UBP1: variants seen among roughly 807,000 people sequenced by gnomAD.
The protein encoded by UBP1 is upstream binding protein 1.
A neutral mutation model predicts 76.1 loss-of-function variants in UBP1; 22 were observed. The ratio of observed to expected loss-of-function variants is 0.29; its 90% CI spans 0.21 to 0.41. UBP1 has a LOEUF of 0.41. Ranked by LOEUF, UBP1 falls within the 10% of genes least tolerant of loss-of-function variation. The probability of loss-of-function intolerance (pLI) is 1.00; values close to 1 mark genes in which losing one functional copy is unlikely to be tolerated. For synonymous variants in UBP1, 224 were observed against 237.1 expected, an observed-to-expected ratio of 0.94 and a Z score of 0.51; for missense variants, 436 against 668.1, an observed-to-expected ratio of 0.65 and a Z score of 3.83.
Position 33,440,133 on chromosome 3 carries a change from G to C in UBP1, c.-285C>G, listed in dbSNP as rs916572093. ...GGCGCCGCCGCCCAGCCCCCGCGCC[G>C]CTAGCGCTGCAGCCGCCGCCGACCG... On this transcript the variant is annotated 5_prime_UTR_variant, in exon 1 of 16. Transcript: ENST00000283629. 4.6e-5 allele frequency: 10 copies of C among 215,586 alleles called. No homozygotes were observed. Among genetic ancestry groups the C allele is most frequent in the Non-Finnish European group, 8.1e-5 (9 of 110,438 alleles). 13.4% of individuals were successfully genotyped at this position (215,586 alleles called of 1,614,324 possible).
At chr3:33,440,878 T>G (rs2045290626), upstream of UBP1, 1 of 152,278 alleles carries the variant, frequency 6.6e-6, no homozygotes, top group Non-Finnish European at 1.5e-5. Context: ...CGGTCGTCTC[T>G]GCTTTATGCC....
chr3:33,396,511 C>T, intron 12 of UBP1: 1 of 504,862 alleles, frequency 2.0e-6, no homozygotes, highest in South Asian at 2.7e-5. Context: ...GATGGTCTGT[C>T]AGATGCTGGT....
intron 2 of UBP1, among the ~76,000 whole-genome samples, chr3:33,419,396 G>A (rs942420294): frequency 1.3e-5 from 2 of 152,166 alleles, no homozygotes; most frequent in Non-Finnish European, 2.9e-5. Flanking sequence ...TTGGGAGGCT[G>A]AGGTGGGCGG....
chr3:33,403,704 G>A (rs936561213), intron 8 of UBP1: 5 of 152,076 alleles, frequency 3.3e-5, no homozygotes, highest in South Asian at 2.1e-4. Context: ...ACAAAGACAC[G>A]GAGATACACT....
intron 10 of UBP1, 36 bp from the exon 11 acceptor site, chr3:33,400,318 CCATT>C (rs760528313): frequency 6.7e-7 from 1 of 1,499,626 alleles, no homozygotes; most frequent in Admixed American, 2.1e-5. Context: ...ATAAAAGGAA[CCATT>C]CAGACTTAGA....
chr3:33,427,043 C>T (rs2045029431), intron 1 of UBP1, among the ~76,000 whole-genome samples: 1 of 152,224 alleles, frequency 6.6e-6, no homozygotes, highest in Non-Finnish European at 1.5e-5. Context: ...TCTTGGCTCA[C>T]CACAACCTCT....
At chr3:33,412,886 CA>C in intron 3 of UBP1, 59 bp from the exon 4 acceptor site, 1 of 1,084,208 alleles carries the variant, frequency 9.2e-7, no homozygotes, top group Non-Finnish European at 1.4e-6. Context: ...AATGCAGGAC[CA>C]TTTCTACTTC....
chr3:33,418,013 T>TAAAAAACACTAAAAAACACTAAAAAAAA, intron 2 of UBP1, among the ~76,000 whole-genome samples: 1 of 152,308 alleles, frequency 6.6e-6, no homozygotes, highest in Middle Eastern at 3.4e-3. Flanking sequence ...AAAACACCTG[T>TAAAAAACACTAAAAAACACTAAAAAAAA]ATGGGAAGAG....
Position 33,390,307 on chromosome 3 carries a change from A to G in UBP1, c.*24T>C. ...TTTAAGCGTGACTATTTGGTACTGA[A>G]TACAGTTCAGTCTATATAAGACATC... On this transcript the variant is annotated 3_prime_UTR_variant, in exon 16 of 16. Coordinates refer to ENST00000283629, the MANE Select transcript of UBP1 (RefSeq NM_014517.5). 6.2e-7 allele frequency: 1 copy of G among 1,611,774 alleles called. No homozygotes were observed. Among genetic ancestry groups the G allele is most frequent in the Middle Eastern group, 1.7e-4 (1 of 6,050 alleles).
intron 1 of UBP1, among the ~76,000 whole-genome samples, chr3:33,433,521 C>T (rs1042896936): frequency 6.6e-6 from 1 of 151,600 alleles, no homozygotes; most frequent in African/African-American, 2.4e-5. Flanking sequence ...GGCGTGGTGG[C>T]ATGCACCTGT....
chr3:33,408,243 A>G (rs1347805394), intron 8 of UBP1, among the ~76,000 whole-genome samples: 3 of 152,194 alleles, frequency 2.0e-5, no homozygotes, highest in Non-Finnish European at 4.4e-5. Context: ...TGCTGCCATC[A>G]TCTAACTGTC....
intron 9 of UBP1, among the ~76,000 whole-genome samples, 193 bp from the exon 10 acceptor site, chr3:33,401,209 C>T (rs550556547): frequency 6.6e-6 from 1 of 152,128 alleles, no homozygotes; most frequent in Non-Finnish European, 1.5e-5. Flanking sequence ...AATTAAGACA[C>T]AGAAGACTGT....
intron 1 of UBP1, among the ~76,000 whole-genome samples, chr3:33,436,530 T>C (rs1162574004): frequency 6.6e-6 from 1 of 152,176 alleles, no homozygotes; most frequent in African/African-American, 2.4e-5. Context: ...ATACCTTTTT[T>C]AAAGTAATAA....
At chr3:33,435,962 A>C (rs2045197512) in intron 1 of UBP1, among the ~76,000 whole-genome samples, 1 of 152,252 alleles carries the variant, frequency 6.6e-6, no homozygotes, top group Non-Finnish European at 1.5e-5. Context: ...CTTCCAAGAT[A>C]TATATCACCT....
chr3:33,433,976 A>C (rs186964899), intron 1 of UBP1, among the ~76,000 whole-genome samples: 58 of 152,312 alleles, frequency 3.8e-4, no homozygotes, highest in Non-Finnish European at 7.6e-4. Context: ...CTAAGAAAAA[A>C]AAAGAAAAAA....
rs767838314 is a variant in UBP1, at chr3:33,397,064, A to G, written c.1252T>C (p.Tyr418His). 2 of 1,599,944 alleles carry G rather than the reference A, an allele frequency of 1.3e-6. No individual in the cohort carries two copies. The highest frequency in any genetic ancestry group is 2.3e-5 in the South Asian group (2 of 88,584). The stretch of plus-strand genomic sequence containing the variant: ...TTTTACCTTGACTTCAGTGAATTAT[A>G]GAGCCGAATTCCATCGGCTGCACCA... ...ICGAADGIRL[Y>H]NSLKSRSVRP... The change falls in exon 12 of 16, where the codon TAT becomes CAT. Residue 418 changes from tyrosine to histidine, a missense_variant. Around this residue, in one of 3 missense-constraint regions of UBP1, gnomAD observed 210 missense variants for 272.8 expected, o/e 0.77. Coordinates refer to ENST00000283629, the MANE Select transcript of UBP1 (RefSeq NM_014517.5).
chr3:33,421,940 A>C (rs1051648328), intron 2 of UBP1, among the ~76,000 whole-genome samples: 2 of 152,162 alleles, frequency 1.3e-5, no homozygotes, highest in African/African-American at 4.8e-5. Flanking sequence ...GGTACTCCAG[A>C]GGCTGAGGCA....
At chr3:33,429,775 T>C (rs915956851) in intron 1 of UBP1, among the ~76,000 whole-genome samples, 5 of 152,196 alleles carry the variant, frequency 3.3e-5, no homozygotes, top group Admixed American at 6.6e-5. Flanking sequence ...TACTAGGACA[T>C]CTAAAAATCC....
intron 4 of UBP1, among the ~76,000 whole-genome samples, chr3:33,412,117 G>A (rs577145448): frequency 6.6e-6 from 1 of 151,346 alleles, no homozygotes; most frequent in East Asian, 1.9e-4. Context: ...AACCCAGGAG[G>A]CGGAGGTTGC....
Sources: allele counts gnomAD v4.1 joint callset (sites outside exome capture counted in the v4.1 genomes callset), GRCh38; gene constraint gnomAD v4.1.1; regional missense constraint gnomAD v4.1.1; transcripts MANE v1.5; gene names NCBI Gene and HGNC (gene_info 2026-07-23, HGNC 2026-07-21).